KDM1A: variants seen among roughly 807,000 people sequenced by gnomAD.
KDM1A encodes the protein lysine demethylase 1A, also known as lysine-specific histone demethylase 1A.
KDM1A carries 49 observed loss-of-function variants against 109.4 expected under a neutral mutation model. The observed-to-expected ratio is 0.45, with a 90% CI of 0.36 to 0.57. The LOEUF (loss-of-function observed/expected upper bound fraction) is 0.57, where lower values mean the gene tolerates loss of function less well. Ranked by LOEUF, KDM1A falls within the 20% of genes least tolerant of loss-of-function variation. KDM1A has a pLI of 0.00. For missense variants in KDM1A, 668 were observed against 1,116.6 expected (o/e 0.60, Z 5.73); for synonymous variants, 380 against 415.4 (o/e 0.91, Z 1.04).
chr1:23,021,648 A>G (rs777674929), intron 1 of KDM1A, among the ~76,000 whole-genome samples: 2 of 152,220 alleles, frequency 1.3e-5, no homozygotes, highest in Non-Finnish European at 2.9e-5. Context: ...CTGGGCAACA[A>G]GAGCGAAACT....
intron 9 of KDM1A, among the ~76,000 whole-genome samples, chr1:23,062,515 CAG>C (rs1300241364): frequency 3.9e-5 from 6 of 152,168 alleles, no homozygotes; most frequent in Non-Finnish European, 7.3e-5. Context: ...GAAAGTTACT[CAG>C]AGTTATATCA....
chr1:23,064,329 C>T (rs1486507630), intron 9 of KDM1A, among the ~76,000 whole-genome samples: 1 of 152,114 alleles, frequency 6.6e-6, no homozygotes, highest in East Asian at 1.9e-4. Context: ...TAGGTTTTAC[C>T]AAATGAACTA....
intron 1 of KDM1A, 104 bp downstream of exon 1, chr1:23,020,051 T>G: frequency 1.6e-6 from 2 of 1,213,768 alleles, no homozygotes; most frequent in Non-Finnish European, 2.2e-6. Flanking sequence ...CTGCGACCAC[T>G]CAGACCTCCC....
chr1:23,046,348 C>T (rs948554402), intron 3 of KDM1A, among the ~76,000 whole-genome samples: 2 of 152,204 alleles, frequency 1.3e-5, no homozygotes, highest in African/African-American at 4.8e-5. Flanking sequence ...TATTTTAAAA[C>T]ATTCTAGGAC....
At chr1:23,051,729 C>T (rs1209168550) in intron 4 of KDM1A, among the ~76,000 whole-genome samples, 1 of 152,172 alleles carries the variant, frequency 6.6e-6, no homozygotes, top group Non-Finnish European at 1.5e-5. Context: ...AGAAATTAAC[C>T]TTGTGATTCA....
chr1:23,063,204 G>GGC (rs1376421470), intron 9 of KDM1A, among the ~76,000 whole-genome samples: 1 of 80,566 alleles, frequency 1.2e-5, no homozygotes, highest in South Asian at 3.3e-4. Flanking sequence ...ATTGGGGGGG[G>GGC]GGTGTGGTGT....
chr1:23,063,998 C>A (rs909795522), intron 9 of KDM1A, among the ~76,000 whole-genome samples: 2 of 152,248 alleles, frequency 1.3e-5, no homozygotes, highest in South Asian at 4.1e-4. Flanking sequence ...AGTGATTCTC[C>A]CCCTCAGCCT....
At position 23,079,679 on chromosome 1, in the gene KDM1A, CT is replaced by C. The variant is rs1253143815; in HGVS notation, c.2170+13del. On this transcript the variant is annotated intron_variant, in intron 18 of 20. Coordinates refer to ENST00000400181, the MANE Select transcript of KDM1A (RefSeq NM_001009999.3). The surrounding 1 kb of genome is among the most constrained non-coding windows in gnomAD (Gnocchi z 5.6). ...GAACCTCTATAAAGGTAAATGCCTT[CT>C]AATTTTAATCTTTTCCATATCCTTA... The C allele has an allele frequency of 6.5e-7, 1 of 1,527,336 alleles. No homozygotes were observed. Among genetic ancestry groups the C allele is most frequent in the Admixed American group, 1.9e-5 (1 of 53,572 alleles). 94.6% of individuals were successfully genotyped at this position (1,527,336 alleles called of 1,614,324 possible).
At chr1:23,027,413 C>T (rs201850206) in intron 1 of KDM1A, among the ~76,000 whole-genome samples, 22 of 115,256 alleles carry the variant, frequency 1.9e-4, no homozygotes, top group African/African-American at 2.7e-4. Flanking sequence ...GTTTTGTTTG[C>T]TTTTTTTTTT....
chr1:23,044,534 G>A, intron 3 of KDM1A, 48 bp downstream of exon 3: 1 of 1,511,080 alleles, frequency 6.6e-7, no homozygotes, highest in Non-Finnish European at 9.0e-7. Flanking sequence ...GAGCCGCCAA[G>A]TAGGAATTGA....
chr1:23,077,102 T>G, intron 15 of KDM1A, 126 bp from the exon 16 acceptor site: 1 of 857,748 alleles, frequency 1.2e-6, no homozygotes, highest in Non-Finnish European at 1.7e-6. Context: ...TGATTTGTTC[T>G]TTAGTTTGCC....
At chr1:23,069,243 C>G in intron 12 of KDM1A, 92 bp downstream of exon 12, 1 of 738,498 alleles carries the variant, frequency 1.4e-6, no homozygotes, top group Non-Finnish European at 2.2e-6. Flanking sequence ...ATTTTTTCCT[C>G]CATGGAAGAG....
At chr1:23,083,094 C>CAGCAATTTAAGTACTT (rs1237907642) in intron 20 of KDM1A, 85 bp from the exon 21 acceptor site, 74 of 1,298,538 alleles carry the variant, frequency 5.7e-5, no homozygotes, top group Non-Finnish European at 7.3e-5. Flanking sequence ...AAAAGGTCAA[C>CAGCAATTTAAGTACTT]AGCAATTTAA....
chr1:23,053,929 T>G, intron 5 of KDM1A, 90 bp downstream of exon 5: 1 of 725,742 alleles, frequency 1.4e-6, no homozygotes, highest in Non-Finnish European at 2.5e-6. Context: ...TGATAATTAA[T>G]TTTTTCATTC....
In KDM1A at chr1:23,044,021, G is replaced by A. The variant is rs144881903; in HGVS notation, c.518-406G>A. 1.8e-4 allele frequency among the ~76,000 whole-genome samples: 27 copies of A among 152,238 alleles called. No individual in the cohort carries two copies. The East Asian group carries it at 4.8e-3, about 27-fold the overall frequency. Reference sequence around the variant, plus strand: ...TTTCATTAAAATTAGAAAGTTAAACGGATATTAAGTTGATGCTGAATTGCA... The same window carrying A: ...TTTCATTAAAATTAGAAAGTTAAACAGATATTAAGTTGATGCTGAATTGCA... On this transcript the variant is annotated intron_variant, in intron 2 of 20. Transcript: ENST00000400181.
intron 9 of KDM1A, among the ~76,000 whole-genome samples, chr1:23,060,977 G>A (rs887529763): frequency 1.3e-5 from 2 of 152,184 alleles, no homozygotes; most frequent in African/African-American, 4.8e-5. Context: ...TCATTGAGAC[G>A]CCATCTTTTT....
At chr1:23,039,457 A>G (rs1415632911) in intron 2 of KDM1A, among the ~76,000 whole-genome samples, 1 of 152,232 alleles carries the variant, frequency 6.6e-6, no homozygotes, top group Non-Finnish European at 1.5e-5. Flanking sequence ...CATCTCGTAC[A>G]AAGTGGCCAG....
chr1:23,026,998 C>A (rs1263324983), intron 1 of KDM1A, among the ~76,000 whole-genome samples: 1 of 151,842 alleles, frequency 6.6e-6, no homozygotes, highest in Middle Eastern at 3.2e-3. Context: ...TTGTATGATT[C>A]TTTCAGATGG....
At chr1:23,031,367 G>C (rs1641975246) in intron 2 of KDM1A, among the ~76,000 whole-genome samples, 1 of 152,026 alleles carries the variant, frequency 6.6e-6, no homozygotes, top group Non-Finnish European at 1.5e-5. Context: ...TACTCTTTTT[G>C]ACTTTGAATT....
Sources: gnomAD v4.1 joint callset for allele counts (sites outside exome capture counted in the v4.1 genomes callset) on GRCh38, gnomAD v4.1.1 for gene constraint, Gnocchi (gnomAD v3.1) non-coding constraint, MANE v1.5 for transcripts, NCBI Gene and HGNC (gene_info 2026-07-23, HGNC 2026-07-21) for gene names.